PELI2: variants seen among roughly 807,000 people sequenced by gnomAD.
The protein encoded by PELI2 is E3 ubiquitin-protein ligase pellino homolog 2.
A neutral mutation model predicts 42.3 loss-of-function variants in PELI2; 23 were observed. The ratio of observed to expected loss-of-function variants is 0.54; its 90% confidence interval spans 0.39 to 0.77. PELI2 has a LOEUF of 0.77. PELI2 is among the 30% of genes least tolerant of loss of function. The pLI is 0.00. For missense variants in PELI2, 463 were observed against 553.2 expected (o/e 0.84, Z 1.64); for synonymous variants, 245 against 212.2 (o/e 1.15, Z -1.34).
At position 56,180,471 on chromosome 14, in the gene PELI2, A is replaced by G. The variant is rs1885538897; in HGVS notation, c.207+2007A>G. On this transcript the variant is annotated intron_variant, in intron 2 of 5. Transcript: ENST00000267460. The surrounding 1 kb of genome is among the most constrained non-coding windows in gnomAD (Gnocchi z 4.4). Reference sequence around the variant, plus strand: ...ATGGATATTTTTTCAAGAGTGTTAGATAGTGACTTTCCTCCAACCAACTTC... The same window carrying G: ...ATGGATATTTTTTCAAGAGTGTTAGGTAGTGACTTTCCTCCAACCAACTTC... Among the ~76,000 whole-genome samples, 1 of 152,274 alleles carries G rather than the reference A, an allele frequency of 6.6e-6. No homozygotes were observed. The highest frequency in any genetic ancestry group is 2.4e-5 in the African/African-American group (1 of 41,544).
In PELI2 at chr14:56,178,462, A is replaced by C. The variant is rs1885461851; in HGVS notation, c.205A>C (p.Lys69Gln). The part of the protein sequence containing the change: ...VHVISTPQAS[K>Q]AISCKGQHSI... ...TGTGATATCCACGCCCCAGGCATCC[A>C]AGGTAGGTGGGTCTGTCAAGAGTTG... The change falls in exon 2 of 6, where the codon AAG becomes CAG. Residue 69 changes from lysine to glutamine, a missense_variant and splice_region_variant. Lys to Gln is a moderately conservative substitution (Grantham distance 53). This residue lies in a region of PELI2 where 343 missense variants were observed against 378.4 expected (regional missense o/e 0.91). Transcript: ENST00000267460. The C allele has an allele frequency of 5.6e-6, 9 of 1,614,026 alleles. No homozygotes were observed. Among genetic ancestry groups the C allele is most frequent in the Non-Finnish European group, 7.6e-6 (9 of 1,179,994 alleles).
At chr14:56,135,417 C>T (rs1383547534) in intron 1 of PELI2, among the ~76,000 whole-genome samples, 1 of 152,050 alleles carries the variant, frequency 6.6e-6, no homozygotes. Flanking sequence ...GTGTAATGGG[C>T]GCATGCTCTC....
chr14:56,261,922 A>T (rs1320281284), intron 2 of PELI2, among the ~76,000 whole-genome samples: 1 of 152,232 alleles, frequency 6.6e-6, no homozygotes, highest in Non-Finnish European at 1.5e-5. Context: ...ATATTGACTG[A>T]AGATTGCTGA....
Position 56,301,270 on chromosome 14 carries a change from A to G in PELI2, c.*4104A>G, listed in dbSNP as rs1451679456. The G allele has an allele frequency of 6.6e-6, 1 of 152,664 alleles. No homozygotes were observed. The highest frequency in any genetic ancestry group is 2.4e-5 in the African/African-American group (1 of 41,466). The allele number at this position is 152,664 out of a possible 1,614,324, so 9.5% of individuals were successfully genotyped here. On this transcript the variant is annotated 3_prime_UTR_variant, in exon 6 of 6. Coordinates refer to ENST00000267460, the MANE Select transcript of PELI2 (RefSeq NM_021255.3). ...AATACAAGCCATTTTACAGGAAAAA[A>G]TCTTCAAAAACTATTAAATGGATAT...
At chr14:56,217,116 A>G (rs531891765) in intron 2 of PELI2, among the ~76,000 whole-genome samples, 49 of 152,308 alleles carry the variant, frequency 3.2e-4, no homozygotes, top group African/African-American at 1.2e-3. Flanking sequence ...CTTTTGTTAC[A>G]TTATAGTTGC....
At chr14:56,250,743 C>T (rs112620389) in intron 2 of PELI2, among the ~76,000 whole-genome samples, 2 of 152,172 alleles carry the variant, frequency 1.3e-5, no homozygotes, top group Admixed American at 6.5e-5. Context: ...GAGAGTGGGT[C>T]TGCCTCTCTC....
intron 3 of PELI2, among the ~76,000 whole-genome samples, chr14:56,283,555 C>G (rs1889550442): frequency 6.6e-6 from 1 of 152,120 alleles, no homozygotes; most frequent in African/African-American, 2.4e-5. Context: ...TCTCAGGGAC[C>G]CTCTGGGGTT....
At position 56,156,576 on chromosome 14, in the gene PELI2, G is replaced by A. The variant is rs373082432; in HGVS notation, c.78-21759G>A. Among the ~76,000 whole-genome samples the A allele has an allele frequency of 2.6e-5, 4 of 152,312 alleles. No homozygotes were observed. The South Asian group carries it at 8.3e-4, about 32-fold the overall frequency. On this transcript the variant is annotated intron_variant, in intron 1 of 5. Coordinates refer to ENST00000267460, the MANE Select transcript of PELI2 (RefSeq NM_021255.3). The stretch of plus-strand genomic sequence containing the variant: ...ACCTTGAGGATGCTTCACTTGACAT[G>A]ATTGAAAATCTATACCAGCACTGTC...
intron 1 of PELI2, among the ~76,000 whole-genome samples, chr14:56,172,901 A>G (rs140454291): frequency 1.3e-5 from 2 of 152,178 alleles, no homozygotes; most frequent in Non-Finnish European, 2.9e-5. Context: ...GTCTTTGGCG[A>G]TATAACTTTT....
At chr14:56,213,006 C>T (rs1886764668) in intron 2 of PELI2, among the ~76,000 whole-genome samples, 1 of 152,240 alleles carries the variant, frequency 6.6e-6, no homozygotes, top group African/African-American at 2.4e-5. Flanking sequence ...TTCAGGAGCC[C>T]TGGCTTAGAA....
chr14:56,175,250 C>T (rs180906233), intron 1 of PELI2, among the ~76,000 whole-genome samples: 38 of 152,286 alleles, frequency 2.5e-4, no homozygotes, highest in African/African-American at 9.1e-4. Context: ...CCTGCCTCGG[C>T]CTCCCAAAGT....
At position 56,224,492 on chromosome 14, in the gene PELI2, T is replaced by C. The variant is rs1887268824; in HGVS notation, c.207+46028T>C. 2.6e-5 allele frequency among the ~76,000 whole-genome samples: 4 copies of C among 152,212 alleles called. No individual in the cohort carries two copies. In the South Asian group the frequency reaches 8.3e-4, roughly 32 times the overall value. ...TACTCAGAAACTTAGCTGGTAAAAT[T>C]GTTGCACTTGAGAAAAGGGCCATCT... is the stretch of plus-strand genomic sequence containing the variant. On this transcript the variant is annotated intron_variant, in intron 2 of 5. Transcript: ENST00000267460.
At chr14:56,162,995 C>A (rs1469916388) in intron 1 of PELI2, among the ~76,000 whole-genome samples, 1 of 151,914 alleles carries the variant, frequency 6.6e-6, no homozygotes, top group African/African-American at 2.4e-5. Context: ...GTTATTAATC[C>A]CTTGTCAAAG....
At chr14:56,221,063 C>T (rs1184608243) in intron 2 of PELI2, among the ~76,000 whole-genome samples, 3 of 152,140 alleles carry the variant, frequency 2.0e-5, no homozygotes, top group Non-Finnish European at 4.4e-5. Context: ...CAAAGCCGTG[C>T]CTCCACCTGC....
intron 2 of PELI2, among the ~76,000 whole-genome samples, chr14:56,275,246 G>A (rs1253668996): frequency 1.3e-5 from 2 of 152,044 alleles, no homozygotes; most frequent in Admixed American, 6.6e-5. Context: ...AGTGAATATA[G>A]GAAATCATTA....
intron 2 of PELI2, among the ~76,000 whole-genome samples, chr14:56,199,860 A>G (rs931532237): frequency 6.6e-6 from 1 of 152,270 alleles, no homozygotes; most frequent in African/African-American, 2.4e-5. Context: ...GTTGTGCCAT[A>G]TACACAGGTG....
intron 1 of PELI2, among the ~76,000 whole-genome samples, chr14:56,127,174 G>A (rs1048022003): frequency 6.6e-6 from 1 of 152,174 alleles, no homozygotes; most frequent in Non-Finnish European, 1.5e-5. Flanking sequence ...TGAGAGCGTG[G>A]CAGTTGAAGA....
intron 1 of PELI2, among the ~76,000 whole-genome samples, chr14:56,148,435 C>G (rs1012956959): frequency 8.5e-5 from 13 of 152,216 alleles, no homozygotes; most frequent in African/African-American, 2.2e-4. Context: ...CAGGCCCTGC[C>G]TGCATCAGTT....
chr14:56,270,605 A>G (rs1422524760), intron 2 of PELI2, among the ~76,000 whole-genome samples: 1 of 152,208 alleles, frequency 6.6e-6, no homozygotes, highest in African/African-American at 2.4e-5. Flanking sequence ...CTTAAAGCCA[A>G]ACAGAATAGT....
Sources: allele counts gnomAD v4.1 joint callset (sites outside exome capture counted in the v4.1 genomes callset), GRCh38; gene constraint gnomAD v4.1.1; regional missense constraint gnomAD v4.1.1; non-coding constraint Gnocchi (gnomAD v3.1); transcripts MANE v1.5; gene names NCBI Gene and HGNC (gene_info 2026-07-23, HGNC 2026-07-21).